SMYD4: variants seen among roughly 807,000 people sequenced by gnomAD.
SMYD4 encodes the protein protein-lysine N-methyltransferase SMYD4.
A neutral mutation model predicts 72.8 loss-of-function variants in SMYD4; 68 were observed. The ratio of observed to expected loss-of-function variants is 0.93; its 90% CI spans 0.77 to 1.14. The LOEUF (loss-of-function observed/expected upper bound fraction) is 1.14, where lower values mean the gene tolerates loss of function less well. SMYD4 is among the 50% of genes most tolerant of loss of function. The probability of loss-of-function intolerance (pLI) is 0.00; values close to 1 mark genes in which losing one functional copy is unlikely to be tolerated. For missense variants in SMYD4, 984 were observed against 1,003.7 expected (o/e 0.98, Z 0.27); for synonymous variants, 407 against 388.6 (o/e 1.05, Z -0.56).
intron 4 of SMYD4, among the ~76,000 whole-genome samples, chr17:1,803,824 A>G (rs989225952): frequency 2.7e-5 from 4 of 150,940 alleles, no homozygotes; most frequent in Non-Finnish European, 5.9e-5. Flanking sequence ...GTCAATCAAC[A>G]CTATCCCATA....
chr17:1,815,943 G>A (rs1597393733), intron 2 of SMYD4, among the ~76,000 whole-genome samples: 1 of 150,730 alleles, frequency 6.6e-6, no homozygotes, highest in Non-Finnish European at 1.5e-5. Context: ...CAGGTGATCC[G>A]CCCGCCTTGG....
At chr17:1,826,456 C>A (rs1209455409) in intron 2 of SMYD4, among the ~76,000 whole-genome samples, 2 of 140,402 alleles carry the variant, frequency 1.4e-5, no homozygotes, top group Non-Finnish European at 3.0e-5. Context: ...TGTGCCACTG[C>A]ACTCCAGCCT....
chr17:1,815,425 C>G (rs779176723), intron 2 of SMYD4, among the ~76,000 whole-genome samples: 1 of 151,284 alleles, frequency 6.6e-6, no homozygotes, highest in East Asian at 1.9e-4. Context: ...TTCTCAAACT[C>G]CTGAGCTCAA....
intron 5 of SMYD4, among the ~76,000 whole-genome samples, chr17:1,798,663 C>T (rs936286535): frequency 1.3e-4 from 20 of 151,510 alleles, no homozygotes; most frequent in African/African-American, 4.9e-4. Flanking sequence ...TTTGGGAGGC[C>T]AAAGCAGGTG....
rs551257575 is a variant in SMYD4, at chr17:1,783,409, G to A, written c.2088C>T (p.Ala696=). The A allele has an allele frequency of 8.7e-6, 14 of 1,612,790 alleles. No individual in the cohort carries two copies. In the Admixed American group the frequency reaches 1.5e-4, roughly 17 times the overall value. Residue 696 remains alanine (A), a synonymous_variant, in exon 9 of 11, where the codon GCC becomes GCT. Coordinates refer to ENST00000305513, the MANE Select transcript of SMYD4 (RefSeq NM_052928.3). The part of the protein sequence containing the change: ...DAESFLWAEH[A]VVGEIADGLA... ...GGCCATCCGCGATCTCTCCCACCAC[G>A]GCGTGCTCTGCCCACAGGAAGCTCT...
chr17:1,807,329 CTT>C (rs796418884), intron 3 of SMYD4, among the ~76,000 whole-genome samples: 5 of 140,894 alleles, frequency 3.5e-5, no homozygotes, highest in Admixed American at 7.1e-5. Context: ...AATGAGGATG[CTT>C]TTTTTTTTTT....
chr17:1,801,497 C>T (rs991394655), intron 4 of SMYD4, among the ~76,000 whole-genome samples: 2 of 151,602 alleles, frequency 1.3e-5, no homozygotes, highest in African/African-American at 4.8e-5. Flanking sequence ...GCCTCAGCCT[C>T]CCAAAGTGCT....
chr17:1,786,805 AT>A lies in SMYD4; in HGVS notation c.1884+4del, dbSNP rs763442074. 3.8e-5 allele frequency: 61 copies of A among 1,613,998 alleles called. No individual in the cohort carries two copies. Among genetic ancestry groups the A allele is most frequent in the Non-Finnish European group, 4.7e-5 (55 of 1,180,008 alleles). ...AAAAGTGGAGGAGACAGAAGAGAGA[AT>A]TACCTGCATGGGCGCTCCGCAACTG... On this transcript the variant is annotated splice_donor_region_variant and intron_variant, in intron 7 of 10. Coordinates refer to ENST00000305513, the MANE Select transcript of SMYD4 (RefSeq NM_052928.3).
chr17:1,813,624 G>A (rs1273235372), intron 2 of SMYD4, among the ~76,000 whole-genome samples: 1 of 151,880 alleles, frequency 6.6e-6, no homozygotes, highest in Non-Finnish European at 1.5e-5. Flanking sequence ...TCATGTTGCC[G>A]AGGCCGGTCT....
At position 1,799,935 on chromosome 17, in the gene SMYD4, T is replaced by C. The variant is rs375877541; in HGVS notation, c.1459A>G (p.Ile487Val). 3.1e-6 allele frequency: 5 copies of C among 1,613,964 alleles called. No homozygotes were observed. The highest frequency in any genetic ancestry group is 3.4e-6 in the Non-Finnish European group (4 of 1,179,926). ...VTPELCPDVT[I>V]WGVAMLRHML... Reference sequence around the variant, plus strand: ...TGTCTCAGCATCGCCACTCCCCAAATAGTCACGTCAGGACACAATTCAGGT... The same window carrying C: ...TGTCTCAGCATCGCCACTCCCCAAACAGTCACGTCAGGACACAATTCAGGT... The change falls in exon 5 of 11, where the codon ATT becomes GTT. Residue 487 changes from isoleucine (I) to valine (V), a missense_variant. Physicochemically the swap from Ile to Val is conservative, Grantham distance 29. Transcript: ENST00000305513.
At chr17:1,820,773 T>G in intron 2 of SMYD4, among the ~76,000 whole-genome samples, 1 of 152,152 alleles carries the variant, frequency 6.6e-6, no homozygotes, top group East Asian at 1.9e-4. Context: ...TTTCAATAGA[T>G]GAAAGGCATC....
chr17:1,815,657 TA>T (rs75794837), intron 2 of SMYD4, among the ~76,000 whole-genome samples: 6,365 of 136,662 alleles, frequency 0.047, 427 homozygotes, highest in African/African-American at 0.15. Context: ...GACCCTGCCT[TA>T]AAAAAAAAAA....
intron 7 of SMYD4, 50 bp from the exon 8 acceptor site, chr17:1,784,511 C>T: frequency 1.2e-6 from 2 of 1,609,114 alleles, no homozygotes; most frequent in Non-Finnish European, 1.7e-6. Context: ...CAGTTATCAA[C>T]ACCGCCTGTG....
chr17:1,799,607 C>T (rs1909596130), intron 5 of SMYD4, among the ~76,000 whole-genome samples: 2 of 151,914 alleles, frequency 1.3e-5, no homozygotes, highest in Admixed American at 6.6e-5. Flanking sequence ...ATCTCTGGAC[C>T]TTGTGATCTG....
chr17:1,810,905 G>C (rs1277287140), intron 3 of SMYD4, among the ~76,000 whole-genome samples: 1 of 152,194 alleles, frequency 6.6e-6, no homozygotes, highest in East Asian at 1.9e-4. Flanking sequence ...GACTCCAGGG[G>C]AAAACCATCT....
intron 7 of SMYD4, among the ~76,000 whole-genome samples, chr17:1,785,009 G>A (rs1188694435): frequency 4.0e-5 from 6 of 148,528 alleles, no homozygotes; most frequent in Non-Finnish European, 7.4e-5. Flanking sequence ...GGATGGTCTC[G>A]ATTTTCTGAC....
intron 1 of SMYD4, among the ~76,000 whole-genome samples, chr17:1,828,786 G>C (rs1476141292): frequency 6.6e-6 from 1 of 151,842 alleles, no homozygotes; most frequent in South Asian, 2.1e-4. Context: ...TAGTAGAGAC[G>C]GGGTTTCACC....
chr17:1,823,337 T>C (rs1045059920), intron 2 of SMYD4, among the ~76,000 whole-genome samples: 4 of 132,816 alleles, frequency 3.0e-5, no homozygotes, highest in African/African-American at 1.2e-4. Flanking sequence ...GAGCTTGCAG[T>C]GAGCCGAGAT....
Position 1,808,298 on chromosome 17 carries a change from G to A in SMYD4, c.280-3583C>T, listed in dbSNP as rs114889687. On this transcript the variant is annotated intron_variant, in intron 3 of 10. Transcript: ENST00000305513. ...CACTAAGCCAGCCGTAAAGAACCAT[G>A]TTCCAGTGGAAAATTTAATAACATG... Among the ~76,000 whole-genome samples, 347 of 152,278 alleles carry A rather than the reference G, an allele frequency of 2.3e-3. 3 individuals are homozygous for A. Among genetic ancestry groups the A allele is most frequent in the African/African-American group, 7.7e-3 (318 of 41,558 alleles).
Sources: gnomAD v4.1 joint callset for allele counts (sites outside exome capture counted in the v4.1 genomes callset) on GRCh38, gnomAD v4.1.1 for gene constraint, MANE v1.5 for transcripts, NCBI Gene and HGNC (gene_info 2026-07-23, HGNC 2026-07-21) for gene names.